LRMDA: variants seen among roughly 807,000 people sequenced by gnomAD.
The protein encoded by LRMDA is leucine rich melanocyte differentiation associated.
Under a neutral mutation model 29.8 loss-of-function variants are expected in LRMDA, and 18 were observed. That is an observed-to-expected ratio of 0.60 (90% CI 0.42 to 0.90). The LOEUF is 0.90. LRMDA is among the 40% of genes least tolerant of loss of function. The pLI, the probability that LRMDA is intolerant of heterozygous loss-of-function variation, is 0.00. For missense variants in LRMDA, 273 were observed against 273.9 expected (o/e 1.00, Z 0.02); for synonymous variants, 125 against 109.4 (o/e 1.14, Z -0.89).
chr10:76,120,249 C>T (rs1388510829), intron 5 of LRMDA, among the ~76,000 whole-genome samples: 3 of 148,248 alleles, frequency 2.0e-5, no homozygotes, highest in African/African-American at 5.0e-5. Context: ...AGTACAGTGG[C>T]GCAATCTTGG....
At chr10:76,528,176 G>T (rs575359965) in intron 6 of LRMDA, among the ~76,000 whole-genome samples, 2 of 152,160 alleles carry the variant, frequency 1.3e-5, no homozygotes, top group South Asian at 4.2e-4. Flanking sequence ...TCCAAGACAA[G>T]AATCCAAGAT....
chr10:76,100,109 T>C (rs1849373441), intron 5 of LRMDA, among the ~76,000 whole-genome samples: 1 of 152,182 alleles, frequency 6.6e-6, no homozygotes, highest in Admixed American at 6.5e-5. Flanking sequence ...AGATCTGTTG[T>C]TAAGTACATA....
At chr10:76,102,929 T>A (rs1456252770) in intron 5 of LRMDA, among the ~76,000 whole-genome samples, 1 of 152,166 alleles carries the variant, frequency 6.6e-6, no homozygotes, top group East Asian at 1.9e-4. Flanking sequence ...TGGGATTAGA[T>A]GTGAGCCACT....
chr10:75,735,026 G>A (rs950054755), intron 2 of LRMDA, among the ~76,000 whole-genome samples: 2 of 152,298 alleles, frequency 1.3e-5, no homozygotes, highest in East Asian at 1.9e-4. Flanking sequence ...GATGATGATT[G>A]TAGATTGTCT....
intron 2 of LRMDA, among the ~76,000 whole-genome samples, chr10:76,011,376 C>T (rs1399180987): frequency 6.6e-6 from 1 of 152,200 alleles, no homozygotes; most frequent in Non-Finnish European, 1.5e-5. Flanking sequence ...CCTAAAAATA[C>T]TGAATGCCAG....
intron 2 of LRMDA, among the ~76,000 whole-genome samples, chr10:75,976,126 A>G (rs1038899862): frequency 6.6e-6 from 1 of 152,250 alleles, no homozygotes; most frequent in Admixed American, 6.5e-5. Flanking sequence ...TCCATGGCCT[A>G]CAAGGCCTGG....
chr10:75,527,968 T>G (rs1042520234), intron 2 of LRMDA, among the ~76,000 whole-genome samples: 1 of 151,842 alleles, frequency 6.6e-6, no homozygotes, highest in Non-Finnish European at 1.5e-5. Flanking sequence ...GTTTTTTTTG[T>G]AGAGACAGGG....
chr10:76,377,802 C>T (rs527826450), intron 6 of LRMDA, among the ~76,000 whole-genome samples: 2 of 152,142 alleles, frequency 1.3e-5, no homozygotes, highest in Non-Finnish European at 2.9e-5. Flanking sequence ...AATTTGAAGT[C>T]AGGTAATGTG....
intron 2 of LRMDA, among the ~76,000 whole-genome samples, chr10:75,854,809 C>A (rs977521729): frequency 6.6e-6 from 1 of 151,600 alleles, no homozygotes; most frequent in East Asian, 1.9e-4. Flanking sequence ...TGAGCGAGAA[C>A]ATGCAGTGTT....
chr10:76,225,120 C>A (rs1190094193), intron 5 of LRMDA, among the ~76,000 whole-genome samples: 1 of 152,024 alleles, frequency 6.6e-6, no homozygotes, highest in Non-Finnish European at 1.5e-5. Context: ...GAAATTTGAT[C>A]CCCAGGCCGG....
intron 6 of LRMDA, among the ~76,000 whole-genome samples, chr10:76,388,019 A>G (rs868569072): frequency 6.6e-6 from 1 of 152,328 alleles, no homozygotes; most frequent in African/African-American, 2.4e-5. Flanking sequence ...AGTTTGAAGG[A>G]ATTCATTCAT....
At chr10:76,162,780 G>A (rs908878788) in intron 5 of LRMDA, among the ~76,000 whole-genome samples, 2 of 152,084 alleles carry the variant, frequency 1.3e-5, no homozygotes, top group Admixed American at 6.6e-5. Context: ...GGGAGGACAC[G>A]CATCCAAACT....
intron 2 of LRMDA, among the ~76,000 whole-genome samples, chr10:75,560,042 T>C (rs1840270676): frequency 6.6e-6 from 1 of 151,382 alleles, no homozygotes; most frequent in Non-Finnish European, 1.5e-5. Flanking sequence ...ATATGAACTT[T>C]AAAGTAGTTT....
chr10:76,091,106 A>G (rs1225079747), intron 5 of LRMDA, among the ~76,000 whole-genome samples: 3 of 152,202 alleles, frequency 2.0e-5, no homozygotes, highest in African/African-American at 4.8e-5. Context: ...ATGACTTTGA[A>G]CAAATTAGTA....
chr10:76,214,738 A>G (rs1202464752), intron 5 of LRMDA, among the ~76,000 whole-genome samples: 9 of 152,342 alleles, frequency 5.9e-5, no homozygotes, highest in Non-Finnish European at 1.5e-5. Context: ...ATGGCATGGA[A>G]CAAGCCTTAT....
At chr10:75,554,959 G>A (rs746041264) in intron 2 of LRMDA, among the ~76,000 whole-genome samples, 10 of 152,174 alleles carry the variant, frequency 6.6e-5, no homozygotes, top group African/African-American at 2.4e-4. Context: ...TATCAGCCAG[G>A]GTGGAGTGGA....
chr10:76,247,412 G>A (rs1324624249), intron 5 of LRMDA, among the ~76,000 whole-genome samples: 1 of 152,112 alleles, frequency 6.6e-6, no homozygotes, highest in Admixed American at 6.6e-5. Flanking sequence ...TTAGTTGAAG[G>A]GGACTGAGCA....
intron 2 of LRMDA, among the ~76,000 whole-genome samples, chr10:75,495,668 T>C (rs546267197): frequency 1.3e-5 from 2 of 152,304 alleles, no homozygotes; most frequent in African/African-American, 2.4e-5. Flanking sequence ...CTGCCACTTA[T>C]GGGGATGAAT....
At chr10:75,556,490 G>A (rs1434019888) in intron 2 of LRMDA, among the ~76,000 whole-genome samples, 2 of 152,188 alleles carry the variant, frequency 1.3e-5, no homozygotes, top group African/African-American at 4.8e-5. Context: ...ACATCTGCGT[G>A]CCAGGAACAG....
Sources: allele counts gnomAD v4.1 joint callset (sites outside exome capture counted in the v4.1 genomes callset), GRCh38; gene constraint gnomAD v4.1.1; transcripts MANE v1.5; gene names NCBI Gene and HGNC (gene_info 2026-07-23, HGNC 2026-07-21).